Variants in LARGE1 observed in about 807,000 individuals in gnomAD.
LARGE1 encodes xylosyl- and glucuronyltransferase LARGE1.
In LARGE1, 43 loss-of-function variants were observed where a neutral mutation model predicts 87.6. That is an observed-to-expected ratio of 0.49 (90% confidence interval 0.38 to 0.63). LARGE1 has a LOEUF of 0.63. Ranked by LOEUF, LARGE1 falls within the 30% of genes least tolerant of loss-of-function variation. LARGE1 has a pLI of 0.00. For missense variants in LARGE1, 802 were observed against 1,000.2 expected (o/e 0.80, Z 2.67); for synonymous variants, 434 against 394.6 (o/e 1.10, Z -1.18).
Position 33,878,000 on chromosome 22 carries a change from A to G in LARGE1, c.-83+41995T>C, listed in dbSNP as rs149668496. Among the ~76,000 whole-genome samples the G allele has an allele frequency of 2.0e-5, 3 of 151,622 alleles. No individual in the cohort carries two copies. The East Asian group carries it at 5.8e-4, about 29-fold the overall frequency. ...AATAAAGAATGTAACATTTGAATTT[A>G]TATATATATATTTTGGTTATGCTGG... is the stretch of plus-strand genomic sequence containing the variant. On this transcript the variant is annotated intron_variant, in intron 1 of 14. Coordinates refer to ENST00000397394, the MANE Select transcript of LARGE1 (RefSeq NM_133642.5).
chr22:33,398,429 C>G (rs1204624008), intron 7 of LARGE1, among the ~76,000 whole-genome samples: 1 of 152,182 alleles, frequency 6.6e-6, no homozygotes, highest in Non-Finnish European at 1.5e-5. Flanking sequence ...CTCTGCTTCT[C>G]TATAGTCAAT....
intron 7 of LARGE1, among the ~76,000 whole-genome samples, chr22:33,395,132 G>A (rs2065683835): frequency 2.0e-5 from 3 of 150,740 alleles, no homozygotes; most frequent in Admixed American, 2.0e-4. Context: ...GGGAGGCTGA[G>A]GCAGGAGAAT....
chr22:33,337,497 C>T, intron 10 of LARGE1, 149 bp downstream of exon 10: 5 of 863,890 alleles, frequency 5.8e-6, no homozygotes, highest in East Asian at 5.3e-5. Context: ...TACCTCTCTC[C>T]CCGACTAGAT....
intron 11 of LARGE1, among the ~76,000 whole-genome samples, chr22:33,266,591 C>T (rs1341530379): frequency 2.0e-5 from 3 of 151,666 alleles, no homozygotes; most frequent in Admixed American, 6.6e-5. Flanking sequence ...AATACTACAT[C>T]GTGCTTCCCA....
chr22:33,578,044 A>G (rs1398172318), intron 5 of LARGE1, among the ~76,000 whole-genome samples: 1 of 152,192 alleles, frequency 6.6e-6, no homozygotes, highest in Non-Finnish European at 1.5e-5. Flanking sequence ...AATTTTGAAT[A>G]CTTTTAACCT....
chr22:33,631,486 A>C (rs240598), intron 3 of LARGE1, among the ~76,000 whole-genome samples: 73,190 of 152,034 alleles, frequency 0.48, 20,295 homozygotes, highest in Middle Eastern at 0.66. Flanking sequence ...GTTAAAAACT[A>C]AGACATAAAC....
At chr22:33,370,191 T>C (rs1283041062) in intron 9 of LARGE1, among the ~76,000 whole-genome samples, 1 of 152,108 alleles carries the variant, frequency 6.6e-6, no homozygotes, top group Non-Finnish European at 1.5e-5. Context: ...GGTATCTCTT[T>C]CCAGCATAAA....
chr22:33,662,598 T>C (rs2081161455), intron 2 of LARGE1, among the ~76,000 whole-genome samples: 1 of 152,038 alleles, frequency 6.6e-6, no homozygotes, highest in African/African-American at 2.4e-5. Flanking sequence ...ACAGAAATGA[T>C]GGGGCTGGTA....
chr22:33,553,918 A>AAAG (rs1415290438), intron 6 of LARGE1, among the ~76,000 whole-genome samples: 3 of 152,138 alleles, frequency 2.0e-5, no homozygotes, highest in African/African-American at 7.2e-5. Context: ...TGTGTCTAAG[A>AAAG]AAGACCCACA....
At chr22:33,764,990 C>A (rs1390876016) in intron 1 of LARGE1, among the ~76,000 whole-genome samples, 1 of 152,082 alleles carries the variant, frequency 6.6e-6, no homozygotes, top group Non-Finnish European at 1.5e-5. Context: ...ACATTAAAAT[C>A]ACAATTTTTG....
At chr22:33,186,169 T>G (rs1417783503) in intron 11 of LARGE1, among the ~76,000 whole-genome samples, 2 of 152,162 alleles carry the variant, frequency 1.3e-5, no homozygotes, top group African/African-American at 2.4e-5. Context: ...CCAATTCATT[T>G]TATAATGCCA....
intron 1 of LARGE1, among the ~76,000 whole-genome samples, chr22:33,878,129 CT>C (rs1186663464): frequency 0.024 from 1,071 of 44,612 alleles, 18 homozygotes; most frequent in Non-Finnish European, 0.044. Context: ...TATTGTATTT[CT>C]TTTTTTTTTT....
intron 11 of LARGE1, among the ~76,000 whole-genome samples, chr22:33,179,848 G>A (rs1246434584): frequency 6.6e-6 from 1 of 151,532 alleles, no homozygotes; most frequent in East Asian, 1.9e-4. Context: ...TTTGAATGAT[G>A]GTGTCTGTTC....
chr22:33,322,722 G>A (rs868474714), intron 10 of LARGE1: 1 of 152,216 alleles, frequency 6.6e-6, no homozygotes. Context: ...ACCAATAATG[G>A]GATTTGGTGG....
intron 6 of LARGE1, among the ~76,000 whole-genome samples, chr22:33,472,275 T>C (rs1469656495): frequency 1.3e-5 from 2 of 152,136 alleles, no homozygotes; most frequent in Non-Finnish European, 2.9e-5. Flanking sequence ...TGCAGGATGT[T>C]ATACACAGAG....
At chr22:33,827,206 C>CA (rs746378067) in intron 1 of LARGE1, among the ~76,000 whole-genome samples, 11,349 of 135,520 alleles carry the variant, frequency 0.084, 482 homozygotes, top group East Asian at 0.13. Context: ...ATTAAAAATA[C>CA]AAAAAAAAAA....
intron 3 of LARGE1, among the ~76,000 whole-genome samples, chr22:33,637,985 C>T (rs1457479389): frequency 6.6e-6 from 1 of 152,132 alleles, no homozygotes; most frequent in African/African-American, 2.4e-5. Context: ...CCACCAGGTT[C>T]CTTCCAGCTA....
chr22:33,365,190 G>C (rs376720804), intron 9 of LARGE1, among the ~76,000 whole-genome samples: 1 of 152,048 alleles, frequency 6.6e-6, no homozygotes, highest in Admixed American at 6.6e-5. Context: ...CTCACTGATG[G>C]CTGAACCTGA....
chr22:33,265,702 C>A (rs953412840), intron 11 of LARGE1, among the ~76,000 whole-genome samples: 7 of 152,134 alleles, frequency 4.6e-5, no homozygotes, highest in African/African-American at 1.7e-4. Context: ...GGACCCCCAG[C>A]AACTATTTTA....
Sources: allele counts gnomAD v4.1 joint callset (sites outside exome capture counted in the v4.1 genomes callset), GRCh38; gene constraint gnomAD v4.1.1; transcripts MANE v1.5; gene names NCBI Gene and HGNC (gene_info 2026-07-23, HGNC 2026-07-21).